Variants in TCF7L2 observed in about 807,000 individuals in gnomAD.
TCF7L2 encodes transcription factor 7 like 2.
In TCF7L2, 23 loss-of-function variants were observed where a neutral mutation model predicts 77.9. That is an observed-to-expected ratio of 0.30 (90% CI 0.21 to 0.42). TCF7L2 has a LOEUF of 0.42. TCF7L2 is among the 10% of genes least tolerant of loss of function. The probability of loss-of-function intolerance (pLI) is 1.00; values close to 1 mark genes in which losing one functional copy is unlikely to be tolerated. For synonymous variants in TCF7L2, 413 were observed against 340.2 expected, an observed-to-expected ratio of 1.21 and a Z score of -2.36; for missense variants, 654 against 793.1, an observed-to-expected ratio of 0.82 and a Z score of 2.11.
intron 4 of TCF7L2, among the ~76,000 whole-genome samples, chr10:112,980,845 C>T (rs912820861): frequency 2.8e-4 from 43 of 152,268 alleles, no homozygotes; most frequent in African/African-American, 9.6e-4. Flanking sequence ...CCAGGATGGT[C>T]TCGATCTCTT....
chr10:113,091,417 C>T (rs895868101), intron 5 of TCF7L2, among the ~76,000 whole-genome samples: 1 of 152,116 alleles, frequency 6.6e-6, no homozygotes, highest in Non-Finnish European at 1.5e-5. Flanking sequence ...CCACCTATTC[C>T]CTGTTAGCCA....
rs2136932496 is a variant in TCF7L2, at chr10:113,144,044, T to A, written c.788+19T>A. 6.3e-7 allele frequency: 1 copy of A among 1,596,714 alleles called. No homozygotes were observed. Among genetic ancestry groups the A allele is most frequent in the Non-Finnish European group, 8.6e-7 (1 of 1,164,846 alleles). On this transcript the variant is annotated intron_variant, in intron 7 of 13. Transcript: ENST00000627217. ...TACCACAGTAAGGAGTTCCATTTTT[T>A]AATTTCCTTTTTGTTTCTTACATGG... is the stretch of plus-strand genomic sequence containing the variant.
At chr10:113,158,828 A>G in intron 12 of TCF7L2, 111 bp downstream of exon 13, 1 of 1,108,360 alleles carries the variant, frequency 9.0e-7, no homozygotes. Context: ...AACATTCTTT[A>G]AAATGACCAT....
At chr10:113,014,151 G>A (rs2046937477) in intron 4 of TCF7L2, among the ~76,000 whole-genome samples, 2 of 152,202 alleles carry the variant, frequency 1.3e-5, no homozygotes, top group African/African-American at 4.8e-5. Context: ...GGTTAGACAG[G>A]GAATGGGTTA....
intron 5 of TCF7L2, among the ~76,000 whole-genome samples, chr10:113,079,818 C>T (rs1235136373): frequency 4.6e-5 from 7 of 151,982 alleles, no homozygotes; most frequent in Admixed American, 2.0e-4. Context: ...CCACCATGCC[C>T]GGCTAATTTT....
At chr10:113,035,237 G>C (rs974013591) in intron 4 of TCF7L2, among the ~76,000 whole-genome samples, 20 of 152,172 alleles carry the variant, frequency 1.3e-4, no homozygotes, top group Middle Eastern at 3.2e-3. Context: ...CCGAAACGTT[G>C]CTATTAGGCC....
intron 5 of TCF7L2, among the ~76,000 whole-genome samples, chr10:113,053,032 T>C (rs2054737948): frequency 6.6e-6 from 1 of 152,242 alleles, no homozygotes; most frequent in Admixed American, 6.5e-5. Flanking sequence ...ATTCATCTGC[T>C]ACACTGTGAG....
At chr10:112,977,552 A>T (rs1227416741) in intron 4 of TCF7L2, among the ~76,000 whole-genome samples, 2 of 152,210 alleles carry the variant, frequency 1.3e-5, no homozygotes, top group African/African-American at 2.4e-5. Flanking sequence ...TGGAGCAGAA[A>T]ATGTAGCTTG....
At chr10:112,983,974 C>T (rs1229423369) in intron 4 of TCF7L2, among the ~76,000 whole-genome samples, 1 of 152,214 alleles carries the variant, frequency 6.6e-6, no homozygotes, top group African/African-American at 2.4e-5. Context: ...GAAGACATAA[C>T]TTCGATTCTC....
chr10:113,150,886 T>C (rs2137117979), intron 8 of TCF7L2, 112 bp from the exon 9 acceptor site: 1 of 1,453,068 alleles, frequency 6.9e-7, no homozygotes, highest in Non-Finnish European at 9.2e-7. Context: ...CTTGGGTTGC[T>C]TTCATGTGAG....
intron 5 of TCF7L2, among the ~76,000 whole-genome samples, chr10:113,050,329 A>G (rs1057294987): frequency 1.3e-5 from 2 of 152,188 alleles, no homozygotes; most frequent in African/African-American, 4.8e-5. Context: ...GAAGAAGGAA[A>G]GAAAGCTGAG....
chr10:113,014,420 T>G (rs1435033885), intron 4 of TCF7L2, among the ~76,000 whole-genome samples: 1 of 152,220 alleles, frequency 6.6e-6, no homozygotes, highest in African/African-American at 2.4e-5. Context: ...TGGAAATACC[T>G]TCTTGACATT....
At chr10:113,089,421 C>G (rs776188345) in intron 5 of TCF7L2, 1 of 1,613,822 alleles carries the variant, frequency 6.2e-7, no homozygotes, top group Non-Finnish European at 8.5e-7. Flanking sequence ...TTGCTGCACT[C>G]AGGGACATGA....
At chr10:113,095,655 C>T (rs2060879227) in intron 5 of TCF7L2, among the ~76,000 whole-genome samples, 1 of 152,168 alleles carries the variant, frequency 6.6e-6, no homozygotes, top group South Asian at 2.1e-4. Context: ...ATTTCTGGCC[C>T]CATTTCCCTC....
At chr10:113,012,731 T>G (rs1025413413) in intron 4 of TCF7L2, among the ~76,000 whole-genome samples, 10 of 152,220 alleles carry the variant, frequency 6.6e-5, no homozygotes, top group African/African-American at 2.4e-4. Flanking sequence ...TTCATTTCTG[T>G]AGCTTCCTTC....
chr10:113,064,606 C>T (rs544439519), intron 5 of TCF7L2, among the ~76,000 whole-genome samples: 1 of 152,290 alleles, frequency 6.6e-6, no homozygotes, highest in Admixed American at 6.5e-5. Flanking sequence ...TCAGCTTTTC[C>T]CTTTTTTACC....
In TCF7L2 at chr10:113,165,818, C is replaced by G. The variant is rs1285830548; in HGVS notation, c.1655C>G (p.Pro552Arg). 2 of 1,605,494 alleles carry G rather than the reference C, an allele frequency of 1.2e-6. No individual in the cohort carries two copies. The highest frequency in any genetic ancestry group is 1.7e-5 in the Admixed American group (1 of 59,084). ...ACCCACAAGGCCTCCGCCCTCTGTC[C>G]CAACGGGGCCCTGGACCTGCCCCCA... The change falls in exon 14 of 14, where the codon CCC (proline) becomes CGC (arginine). Residue 552 changes from proline to arginine, a missense_variant. This residue lies in a region of TCF7L2 where 272 missense variants were observed against 215.4 expected (regional missense o/e 1.26). Coordinates refer to ENST00000627217, the MANE Select transcript of TCF7L2 (RefSeq NM_001146274.2).
chr10:113,117,117 A>G (rs1317474571), intron 5 of TCF7L2, among the ~76,000 whole-genome samples: 5 of 152,260 alleles, frequency 3.3e-5, no homozygotes, highest in Non-Finnish European at 5.9e-5. Context: ...TTGGCTGTAC[A>G]TCAAATCTAC....
At position 113,099,655 on chromosome 10, in the gene TCF7L2, C is replaced by T. The variant is rs544999281; in HGVS notation, c.553-41529C>T. Among the ~76,000 whole-genome samples the T allele has an allele frequency of 1.2e-3, 182 of 152,354 alleles. 1 individual carries two copies. The highest frequency in any genetic ancestry group is 4.1e-3 in the African/African-American group (170 of 41,588). ...GAAATGATGAGAGGTGACCCCCGAG[C>T]TCCCAGCTCAGTGTCACACTCGAGT... is the stretch of plus-strand genomic sequence containing the variant. On this transcript the variant is annotated intron_variant, in intron 5 of 13. Transcript: ENST00000627217.
Sources: allele counts gnomAD v4.1 joint callset (sites outside exome capture counted in the v4.1 genomes callset), GRCh38; gene constraint gnomAD v4.1.1; regional missense constraint gnomAD v4.1.1; transcripts MANE v1.5; gene names NCBI Gene and HGNC (gene_info 2026-07-23, HGNC 2026-07-21).